The following GAD1 variants were observed in gnomAD, a reference collection of about 807,000 sequenced individuals.
GAD1 encodes glutamate decarboxylase 1.
In GAD1, 35 loss-of-function variants were observed where a neutral mutation model predicts 75.2. The ratio of observed to expected loss-of-function variants is 0.47; its 90% CI spans 0.36 to 0.62. The LOEUF (loss-of-function observed/expected upper bound fraction) is 0.62. Among genes scored for constraint, GAD1 ranks in the 20% least tolerant of loss-of-function variants. The pLI is 0.00. For synonymous variants in GAD1, 257 were observed against 271.9 expected, an observed-to-expected ratio of 0.95 and a Z score of 0.54; for missense variants, 490 against 758.5, an observed-to-expected ratio of 0.65 and a Z score of 4.16.
intron 3 of GAD1, among the ~76,000 whole-genome samples, chr2:170,828,623 T>C (rs1702115562): frequency 1.4e-5 from 1 of 73,828 alleles, no homozygotes; most frequent in Non-Finnish European, 3.1e-5. Flanking sequence ...GTCCTTGCCC[T>C]CCTCCCTCTG....
At chr2:170,813,900 G>A (rs1048625483), upstream of GAD1, among the ~76,000 whole-genome samples, 1 of 152,160 alleles carries the variant, frequency 6.6e-6, no homozygotes, top group African/African-American at 2.4e-5. Context: ...AGAGACTGGA[G>A]GGGTCGCATA....
At chr2:170,843,720 A>C (rs1166189883) in intron 6 of GAD1, 2 of 283,710 alleles carry the variant, frequency 7.0e-6, no homozygotes, top group Non-Finnish European at 1.3e-5. Flanking sequence ...TCTTAGAGGT[A>C]AAAGGGACTC....
intron 3 of GAD1, among the ~76,000 whole-genome samples, chr2:170,827,904 G>A (rs1702062087): frequency 1.3e-5 from 2 of 152,114 alleles, no homozygotes; most frequent in South Asian, 2.1e-4. Flanking sequence ...AAGGAGAGGG[G>A]GTGGTGCAAG....
rs1575449167 is a variant in GAD1, at chr2:170,860,062, C to G, written c.*180C>G. The G allele has an allele frequency of 3.0e-6, 2 of 666,058 alleles. No homozygotes were observed. Among genetic ancestry groups the G allele is most frequent in the Non-Finnish European group, 2.6e-6 (1 of 386,806 alleles). 41.3% of individuals were successfully genotyped at this position (666,058 alleles called of 1,614,324 possible). A position where few individuals can be genotyped will look rare whatever the true frequency, so the allele number is the denominator to read the frequency against. On this transcript the variant is annotated 3_prime_UTR_variant, in exon 17 of 17. Coordinates refer to ENST00000358196, the MANE Select transcript of GAD1 (RefSeq NM_000817.3). ...GTTCTAGTTAGCAGGAAATAGTGTT[C>G]TTTTTAAAAAGTTGCACATTAGGAA...
upstream of GAD1, among the ~76,000 whole-genome samples, chr2:170,814,668 A>G (rs989351078): frequency 2.0e-5 from 3 of 152,208 alleles, no homozygotes; most frequent in Non-Finnish European, 2.9e-5. Context: ...GCTAATATTC[A>G]ATTAAACATT....
Position 170,845,498 on chromosome 2 carries a change from G to A in GAD1, c.752-8G>A. On this transcript the variant is annotated splice_region_variant and splice_polypyrimidine_tract_variant and intron_variant, in intron 7 of 16. Transcript: ENST00000358196. ...CCAACACCTCCCAATATGTCCGCTT[G>A]CTGACAGGGGGCGCCATATCCAACA... 6.2e-7 allele frequency: 1 copy of A among 1,611,962 alleles called. No homozygotes were observed. Among genetic ancestry groups the A allele is most frequent in the Non-Finnish European group, 8.5e-7 (1 of 1,179,002 alleles).
chr2:170,818,809 C>A lies in GAD1; in HGVS notation c.82+136C>A. The A allele has an allele frequency of 2.3e-6, 2 of 855,596 alleles. No homozygotes were observed. The highest frequency in any genetic ancestry group is 1.4e-5 in the South Asian group (1 of 69,586). 53.0% of individuals were successfully genotyped at this position (855,596 alleles called of 1,614,324 possible). On this transcript the variant is annotated intron_variant, in intron 2 of 16. Transcript: ENST00000358196. This position sits in a 1 kb window ranked among gnomAD's most constrained non-coding sequence, Gnocchi z 5.9. ...GGCTGGGAAATAAATGGGGCTCTGA[C>A]CCCGTCCCTGCCAGAGGTCATTCGG...
chr2:170,821,365 A>T (rs1199681697), intron 2 of GAD1, among the ~76,000 whole-genome samples: 1 of 152,160 alleles, frequency 6.6e-6, no homozygotes, highest in African/African-American at 2.4e-5. Context: ...CTCAGAGGAA[A>T]GGTGCTTGAT....
chr2:170,841,367 AGATTTCCTAG>A (rs1702511604), intron 6 of GAD1, among the ~76,000 whole-genome samples: 1 of 152,134 alleles, frequency 6.6e-6, no homozygotes, highest in South Asian at 2.1e-4. Context: ...GAAGGACTAC[AGATTTCCTAG>A]GATTCCCAAA....
At chr2:170,817,225 A>ACCCCCCCCCCCCCCCCCCC (rs3049870) in intron 1 of GAD1, 177 bp downstream of exon 1, 1 of 15,470 alleles carries the variant, frequency 6.5e-5, no homozygotes, top group African/African-American at 1.6e-4. Flanking sequence ...CTGCGCAGGG[A>ACCCCCCCCCCCCCCCCCCC]CCCCCCCCCC....
chr2:170,860,113 T>C lies in GAD1; in HGVS notation c.*231T>C, dbSNP rs1459199580. 3 of 524,510 alleles carry C rather than the reference T, an allele frequency of 5.7e-6. No homozygotes were observed. The Admixed American group carries it at 9.3e-5, about 16-fold the overall frequency. 32.5% of individuals were successfully genotyped at this position (524,510 alleles called of 1,614,324 possible). On this transcript the variant is annotated 3_prime_UTR_variant, in exon 17 of 17. Transcript: ENST00000358196. ...CAGAGTATATATGTACAGTTATACA[T>C]ACCTCTCTCTATATATACATGTATA...
intron 11 of GAD1, among the ~76,000 whole-genome samples, chr2:170,848,509 AAAAG>A: frequency 6.6e-6 from 1 of 151,972 alleles, no homozygotes; most frequent in African/African-American, 2.4e-5. Flanking sequence ...AAAAAAAAAA[AAAAG>A]AAAAAAGAAA....
chr2:170,831,026 T>C lies in GAD1; in HGVS notation c.381T>C (p.Tyr127=), dbSNP rs144952710. ...LLEVVDILLN[Y]VRKTFDRSTK... Reference sequence around the variant, plus strand: ...AAGTGGTGGACATACTCCTCAACTATGTCCGCAAGACATTTGATCGCTCCA... The same window carrying C: ...AAGTGGTGGACATACTCCTCAACTACGTCCGCAAGACATTTGATCGCTCCA... The change falls in exon 5 of 17, where the codon TAT becomes TAC. Residue 127 remains tyrosine (Y), a synonymous_variant. Coordinates refer to ENST00000358196, the MANE Select transcript of GAD1 (RefSeq NM_000817.3). The C allele has an allele frequency of 1.6e-5, 26 of 1,614,100 alleles. No individual in the cohort carries two copies. The African/African-American group carries it at 1.7e-4, about 11-fold the overall frequency.
At chr2:170,823,202 G>T (rs572223855) in intron 3 of GAD1, among the ~76,000 whole-genome samples, 1 of 152,186 alleles carries the variant, frequency 6.6e-6, no homozygotes, top group East Asian at 1.9e-4. Flanking sequence ...TCCTGCGCGC[G>T]GGAGATAGCG....
chr2:170,823,138 T>C (rs1701934143), intron 3 of GAD1, among the ~76,000 whole-genome samples: 1 of 152,032 alleles, frequency 6.6e-6, no homozygotes, highest in Non-Finnish European at 1.5e-5. Flanking sequence ...CGGGCAGAGG[T>C]TGGAGAGGCG....
Position 170,854,049 on chromosome 2 carries a change from G to A in GAD1, c.1413+27G>A, listed in dbSNP as rs779714837. The A allele has an allele frequency of 3.7e-6, 6 of 1,613,944 alleles. No individual in the cohort carries two copies. The South Asian group carries it at 4.4e-5, about 12-fold the overall frequency. On this transcript the variant is annotated intron_variant, in intron 14 of 16. Transcript: ENST00000358196. Reference sequence around the variant, plus strand: ...TATGAAGGGAATAGTTCAGGAAATAGAGCAGAAATGTAATTTGCACAGACT... The same window carrying A: ...TATGAAGGGAATAGTTCAGGAAATAAAGCAGAAATGTAATTTGCACAGACT...
chr2:170,836,780 G>A lies in GAD1; in HGVS notation c.548-13G>A. Reference sequence around the variant, plus strand: ...TCTGCATTTGCCTTGATGCTTTTCTGTTTCCTATCTAGGTCATCCTCGATT... The same window carrying A: ...TCTGCATTTGCCTTGATGCTTTTCTATTTCCTATCTAGGTCATCCTCGATT... On this transcript the variant is annotated splice_polypyrimidine_tract_variant and intron_variant, in intron 5 of 16. Transcript: ENST00000358196. 1 of 1,601,722 alleles carries A rather than the reference G, an allele frequency of 6.2e-7. No homozygotes were observed. The highest frequency in any genetic ancestry group is 2.2e-5 in the East Asian group (1 of 44,830).
chr2:170,849,513 T>C (rs1249887209), intron 12 of GAD1, among the ~76,000 whole-genome samples, 163 bp downstream of exon 12: 1 of 152,144 alleles, frequency 6.6e-6, no homozygotes, highest in Non-Finnish European at 1.5e-5. Context: ...GATGACTGAT[T>C]TCCCAGTCAA....
intron 12 of GAD1, among the ~76,000 whole-genome samples, chr2:170,850,791 A>T (rs1011002150): frequency 1.3e-5 from 2 of 152,170 alleles, no homozygotes; most frequent in Non-Finnish European, 2.9e-5. Flanking sequence ...AGGAGAGCAG[A>T]TTACTTGAGC....
Sources: gnomAD v4.1 joint callset for allele counts (sites outside exome capture counted in the v4.1 genomes callset) on GRCh38, gnomAD v4.1.1 for gene constraint, Gnocchi (gnomAD v3.1) non-coding constraint, MANE v1.5 for transcripts, NCBI Gene and HGNC (gene_info 2026-07-23, HGNC 2026-07-21) for gene names.